The following TMEM266 variants were observed in gnomAD, a reference collection of about 807,000 sequenced individuals.
TMEM266 encodes transmembrane protein 266.
In TMEM266, 33 loss-of-function variants were observed where a neutral mutation model predicts 50.5. That is an observed-to-expected ratio of 0.65 (90% CI 0.50 to 0.87). TMEM266 has a LOEUF of 0.87. Ranked by LOEUF, TMEM266 falls within the 40% of genes least tolerant of loss-of-function variation. TMEM266 has a pLI of 0.00. For missense variants in TMEM266, 655 were observed against 695.1 expected (o/e 0.94, Z 0.65); for synonymous variants, 310 against 292.3 (o/e 1.06, Z -0.62).
At chr15:76,062,882 T>C (rs2141978497) in intron 1 of TMEM266, among the ~76,000 whole-genome samples, 1 of 152,296 alleles carries the variant, frequency 6.6e-6, no homozygotes. Context: ...ACGAGAGTTT[T>C]TGGGAGAGTG....
At chr15:76,133,038 A>C (rs2037535939) in intron 1 of TMEM266, among the ~76,000 whole-genome samples, 1 of 151,760 alleles carries the variant, frequency 6.6e-6, no homozygotes, top group African/African-American at 2.4e-5. Context: ...GCTTAGGTGG[A>C]GGGTCACTTG....
At chr15:76,104,892 T>G (rs986950977) in intron 1 of TMEM266, among the ~76,000 whole-genome samples, 2 of 151,926 alleles carry the variant, frequency 1.3e-5, no homozygotes, top group Non-Finnish European at 2.9e-5. Flanking sequence ...TTGACTGTTT[T>G]GCCTTTGTGT....
At chr15:76,173,979 A>G (rs2142063217) in intron 7 of TMEM266, among the ~76,000 whole-genome samples, 1 of 151,374 alleles carries the variant, frequency 6.6e-6, no homozygotes, top group African/African-American at 2.4e-5. Flanking sequence ...AAGGTGGTCC[A>G]AGACAGATAT....
At chr15:76,129,662 A>C (rs1369971779) in intron 1 of TMEM266, among the ~76,000 whole-genome samples, 1 of 151,930 alleles carries the variant, frequency 6.6e-6, no homozygotes, top group Non-Finnish European at 1.5e-5. Context: ...AAATAAACAA[A>C]AAACAAAACA....
chr15:76,150,914 T>C (rs1277583897), intron 3 of TMEM266, among the ~76,000 whole-genome samples: 2 of 152,240 alleles, frequency 1.3e-5, no homozygotes, highest in African/African-American at 4.8e-5. Flanking sequence ...CCTAAGACTA[T>C]GAAGCAGAAG....
intron 1 of TMEM266, among the ~76,000 whole-genome samples, chr15:76,124,981 T>A (rs2037398097): frequency 6.6e-6 from 1 of 152,166 alleles, no homozygotes; most frequent in Admixed American, 6.6e-5. Flanking sequence ...CACATGGTCC[T>A]GGCATAAAAA....
At chr15:76,142,128 C>G (rs1173982779) in intron 3 of TMEM266, among the ~76,000 whole-genome samples, 1 of 152,230 alleles carries the variant, frequency 6.6e-6, no homozygotes, top group Non-Finnish European at 1.5e-5. Context: ...GTGGCTCACG[C>G]CTGTAATCCC....
intron 1 of TMEM266, among the ~76,000 whole-genome samples, chr15:76,121,776 GAATCATTAGTT>G (rs1293879553): frequency 6.6e-6 from 1 of 152,156 alleles, no homozygotes; most frequent in East Asian, 1.9e-4. Context: ...CCAGCGTGAG[GAATCATTAGTT>G]AATCATTAGT....
At chr15:76,197,825 C>A (rs1398088372) in intron 9 of TMEM266, among the ~76,000 whole-genome samples, 1 of 152,256 alleles carries the variant, frequency 6.6e-6, no homozygotes, top group Admixed American at 6.5e-5. Flanking sequence ...CCACCACCTC[C>A]AGGAAGCCTG....
At chr15:76,103,911 A>G (rs1596106260) in intron 1 of TMEM266, among the ~76,000 whole-genome samples, 1 of 37,048 alleles carries the variant, frequency 2.7e-5, no homozygotes, top group Non-Finnish European at 7.1e-5. Flanking sequence ...ACTCCATCTC[A>G]AAAAAAAAAA....
intron 1 of TMEM266, among the ~76,000 whole-genome samples, chr15:76,107,067 G>A (rs1040995014): frequency 7.2e-5 from 11 of 152,016 alleles, no homozygotes; most frequent in Non-Finnish European, 1.5e-4. Flanking sequence ...TCTGTCCCAC[G>A]GAAATATAAC....
At chr15:76,073,416 A>G (rs2036565059) in intron 1 of TMEM266, among the ~76,000 whole-genome samples, 1 of 151,840 alleles carries the variant, frequency 6.6e-6, no homozygotes, top group African/African-American at 2.4e-5. Context: ...TATTTTTAGT[A>G]GAGACGGGGT....
intron 1 of TMEM266, among the ~76,000 whole-genome samples, chr15:76,126,505 A>C (rs116655628): frequency 6.6e-6 from 1 of 151,454 alleles, no homozygotes; most frequent in Non-Finnish European, 1.5e-5. Flanking sequence ...CAGAAAGACA[A>C]ATACTGCACG....
chr15:76,134,363 TGAAG>T, intron 2 of TMEM266, 62 bp downstream of exon 2: 2 of 1,556,746 alleles, frequency 1.3e-6, no homozygotes, highest in Non-Finnish European at 1.8e-6. Flanking sequence ...TCCCAGAAGA[TGAAG>T]ATCTTCTAAT....
intron 1 of TMEM266, among the ~76,000 whole-genome samples, chr15:76,089,408 T>C (rs2036819065): frequency 6.6e-6 from 1 of 151,906 alleles, no homozygotes; most frequent in Non-Finnish European, 1.5e-5. Flanking sequence ...TTAGCCAGGA[T>C]GGTCTCGATC....
intron 1 of TMEM266, among the ~76,000 whole-genome samples, chr15:76,092,207 A>C (rs1436095527): frequency 6.6e-6 from 1 of 152,086 alleles, no homozygotes; most frequent in Non-Finnish European, 1.5e-5. Flanking sequence ...CTGATTCTGC[A>C]GTGAATATAC....
chr15:76,189,982 T>C (rs1342720136), intron 8 of TMEM266, among the ~76,000 whole-genome samples: 1 of 152,276 alleles, frequency 6.6e-6, no homozygotes, highest in Non-Finnish European at 1.5e-5. Flanking sequence ...TGGGAGGCTG[T>C]CCAGTGCCAG....
intron 4 of TMEM266, among the ~76,000 whole-genome samples, 194 bp from the exon 5 acceptor site, chr15:76,159,901 C>A (rs551088591): frequency 9.1e-4 from 139 of 152,182 alleles, no homozygotes; most frequent in African/African-American, 3.0e-3. Flanking sequence ...TCGTTGGCTC[C>A]CAAATGTCCT....
intron 1 of TMEM266, among the ~76,000 whole-genome samples, chr15:76,094,256 GT>G (rs2036892799): frequency 6.6e-6 from 1 of 152,004 alleles, no homozygotes; most frequent in African/African-American, 2.4e-5. Flanking sequence ...TAGGTCTTAT[GT>G]TTAAGTCTTT....
Sources: gnomAD v4.1 joint callset for allele counts (sites outside exome capture counted in the v4.1 genomes callset) on GRCh38, gnomAD v4.1.1 for gene constraint, MANE v1.5 for transcripts, NCBI Gene and HGNC (gene_info 2026-07-23, HGNC 2026-07-21) for gene names.